Variants in SIL1 observed in about 807,000 individuals in gnomAD.
SIL1 encodes the protein nucleotide exchange factor SIL1.
In SIL1, 40 loss-of-function variants were observed where a neutral mutation model predicts 49.1. That is an observed-to-expected ratio of 0.81 (90% confidence interval 0.63 to 1.06). SIL1 has a LOEUF of 1.06. SIL1 is among the 50% of genes least tolerant of loss of function. The pLI, the probability that SIL1 is intolerant of heterozygous loss-of-function variation, is 0.00. For synonymous variants in SIL1, 253 were observed against 250.8 expected, an observed-to-expected ratio of 1.01 and a Z score of -0.08; for missense variants, 500 against 572.6, an observed-to-expected ratio of 0.87 and a Z score of 1.29.
chr5:139,002,189 A>G (rs1345649998), intron 7 of SIL1, among the ~76,000 whole-genome samples: 3 of 152,010 alleles, frequency 2.0e-5, no homozygotes, highest in Non-Finnish European at 2.9e-5. Context: ...CAGCCTGGGT[A>G]ACAAAAGTGA....
intron 3 of SIL1, among the ~76,000 whole-genome samples, chr5:139,118,045 T>C (rs1411415087): frequency 6.6e-6 from 1 of 152,174 alleles, no homozygotes; most frequent in Admixed American, 6.5e-5. Flanking sequence ...GGTACTGAAC[T>C]GGGGACAATA....
At position 138,978,999 on chromosome 5, in the gene SIL1, G is replaced by A. The variant is rs578227093; in HGVS notation, c.768-27115C>T. ...GACTTGTAAAAATTTTCTCCCATTC[G>A]GTGGTTTTCCTTTTCACTTTCTTGA... On this transcript the variant is annotated intron_variant, in intron 7 of 9. Transcript: ENST00000394817. Among the ~76,000 whole-genome samples, 12 of 151,990 alleles carry A rather than the reference G, an allele frequency of 7.9e-5. No homozygotes were observed. The South Asian group carries it at 2.3e-3, about 29-fold the overall frequency.
chr5:139,128,485 A>T (rs1053247372), intron 1 of SIL1, among the ~76,000 whole-genome samples: 2 of 151,902 alleles, frequency 1.3e-5, no homozygotes, highest in African/African-American at 4.8e-5. Flanking sequence ...ACAAAAAATT[A>T]AAAAAACAAA....
intron 3 of SIL1, among the ~76,000 whole-genome samples, chr5:139,086,264 C>T (rs1770216939): frequency 7.6e-6 from 1 of 131,526 alleles, no homozygotes; most frequent in South Asian, 2.5e-4. Context: ...CAGAGTGAGA[C>T]CGTCTTAAAA....
intron 1 of SIL1, among the ~76,000 whole-genome samples, chr5:139,185,967 A>G (rs919289772): frequency 6.6e-6 from 1 of 152,248 alleles, no homozygotes; most frequent in Non-Finnish European, 1.5e-5. Flanking sequence ...ATTCTGTACA[A>G]TGTATTTCCC....
At chr5:138,997,621 G>A (rs991902879) in intron 7 of SIL1, among the ~76,000 whole-genome samples, 10 of 152,162 alleles carry the variant, frequency 6.6e-5, no homozygotes, top group East Asian at 3.8e-4. Flanking sequence ...GTGCAGTGGC[G>A]CAATCTTGGC....
intron 4 of SIL1, 37 bp downstream of exon 4, chr5:139,050,901 T>C (rs1020786004): frequency 6.5e-7 from 1 of 1,532,244 alleles, no homozygotes; most frequent in African/African-American, 1.4e-5. Flanking sequence ...ATCAACGTTA[T>C]CACTTAGCCT....
At chr5:139,165,667 A>T (rs1312405328) in intron 1 of SIL1, among the ~76,000 whole-genome samples, 1 of 148,724 alleles carries the variant, frequency 6.7e-6, no homozygotes, top group African/African-American at 2.5e-5. Context: ...TTTTATTATT[A>T]TTATTTTTTG....
At chr5:139,082,610 G>C (rs1296085228) in intron 3 of SIL1, among the ~76,000 whole-genome samples, 3 of 152,208 alleles carry the variant, frequency 2.0e-5, no homozygotes, top group Admixed American at 6.5e-5. Context: ...GGGCTGAACA[G>C]CTCAGCCCCT....
chr5:138,987,687 T>TA (rs1767674977), intron 7 of SIL1, among the ~76,000 whole-genome samples: 1 of 152,290 alleles, frequency 6.6e-6, no homozygotes, highest in African/African-American at 2.4e-5. Flanking sequence ...GGAGCCCTCT[T>TA]ACTACACCCA....
intron 4 of SIL1, among the ~76,000 whole-genome samples, chr5:139,049,811 A>AATC (rs1410202701): frequency 1.3e-5 from 2 of 151,768 alleles, no homozygotes; most frequent in African/African-American, 2.4e-5. Flanking sequence ...AAAAAAAAAA[A>AATC]ATCATCATCA....
intron 7 of SIL1, chr5:139,013,900 C>T (rs974361745): frequency 2.6e-5 from 4 of 152,116 alleles, no homozygotes; most frequent in Non-Finnish European, 4.4e-5. Flanking sequence ...CTCTTGGTGG[C>T]TTTCTTTCTC....
intron 5 of SIL1, among the ~76,000 whole-genome samples, chr5:139,029,736 C>T (rs931133338): frequency 1.1e-4 from 16 of 151,772 alleles, no homozygotes; most frequent in African/African-American, 2.7e-4. Flanking sequence ...CTGGCTCAAG[C>T]GATCCACCCA....
At chr5:138,996,790 T>C (rs957222215) in intron 7 of SIL1, among the ~76,000 whole-genome samples, 3 of 152,100 alleles carry the variant, frequency 2.0e-5, no homozygotes, top group Admixed American at 6.5e-5. Flanking sequence ...AGTGCTGGGA[T>C]TACAGGTGTG....
rs185515415 is a variant in SIL1 at position 139,179,109 on chromosome 5, A to G, written c.-11+19160T>C. On this transcript the variant is annotated intron_variant, in intron 1 of 9. Transcript: ENST00000394817. ...CTACAGCCAGAAACAGTCTAAAAAG[A>G]TATCACCTTGTCTGAGTGCTCCAGG... Among the ~76,000 whole-genome samples the G allele has an allele frequency of 4.2e-3, 636 of 152,328 alleles. 7 individuals are homozygous for G. Among genetic ancestry groups the G allele is most frequent in the Middle Eastern group, 0.014 (4 of 294 alleles).
chr5:138,992,699 G>A (rs927915122), intron 7 of SIL1, among the ~76,000 whole-genome samples: 4 of 152,028 alleles, frequency 2.6e-5, no homozygotes, highest in African/African-American at 9.7e-5. Flanking sequence ...ATTATATAAT[G>A]GACTTTGGGG....
At chr5:139,195,589 G>A (rs12187100) in intron 1 of SIL1, among the ~76,000 whole-genome samples, 53,868 of 151,788 alleles carry the variant, frequency 0.35, 11,940 homozygotes, top group South Asian at 0.52. Context: ...GGGTTTCACC[G>A]TGTTAGCCAG....
chr5:139,079,484 C>G (rs1423796280), intron 3 of SIL1, among the ~76,000 whole-genome samples: 3 of 152,156 alleles, frequency 2.0e-5, no homozygotes, highest in Non-Finnish European at 4.4e-5. Context: ...GCCATCTCCA[C>G]AATTGAAAGG....
At chr5:139,017,578 T>A (rs1487595923) in intron 7 of SIL1, among the ~76,000 whole-genome samples, 1 of 152,112 alleles carries the variant, frequency 6.6e-6, no homozygotes, top group Admixed American at 6.5e-5. Flanking sequence ...CAAAGGTGAC[T>A]GAGGCAGGGG....
Sources: allele counts gnomAD v4.1 joint callset (sites outside exome capture counted in the v4.1 genomes callset), GRCh38; gene constraint gnomAD v4.1.1; transcripts MANE v1.5; gene names NCBI Gene and HGNC (gene_info 2026-07-23, HGNC 2026-07-21).